FAM90A20: variants seen among roughly 807,000 people sequenced by gnomAD.
The protein encoded by FAM90A20 is family with sequence similarity 90 member A20.
At chr8:7,296,233 T>C in the FAM90A20 span, 1 of 676,290 alleles carries the variant, frequency 1.5e-6, no homozygotes, top group Non-Finnish European at 2.7e-6. Flanking sequence ...GACGGGGTTC[T>C]CCCTGTCTCC....
chr8:7,296,356 C>T, the FAM90A20 span: 4 of 746,378 alleles, frequency 5.4e-6, no homozygotes, highest in Non-Finnish European at 9.7e-6. Flanking sequence ...GAAGCCGCTG[C>T]CGAATGGAAA....
At chr8:7,297,035 T>C in the FAM90A20 span, 1 of 1,466,538 alleles carries the variant, frequency 6.8e-7, no homozygotes. Flanking sequence ...GAGGAACTTC[T>C]AACCTGTGTT....
the FAM90A20 span, chr8:7,296,290 C>T: frequency 2.7e-6 from 2 of 730,666 alleles, no homozygotes; most frequent in South Asian, 1.4e-5. Context: ...GTTCTGCAGG[C>T]AACAAGACCC....
chr8:7,297,393 G>T, the FAM90A20 span: 5 of 1,529,174 alleles, frequency 3.3e-6, 1 homozygote, highest in Non-Finnish European at 4.4e-6. Flanking sequence ...CAGGCCGTCA[G>T]AACCCAGGCA....
chr8:7,297,106 G>T, the FAM90A20 span: 37 of 1,503,040 alleles, frequency 2.5e-5, 1 homozygote, highest in Non-Finnish European at 3.2e-5. Context: ...GTAAGAGGCC[G>T]CGCATGGACC....
the FAM90A20 span, among the ~76,000 whole-genome samples, chr8:7,295,380 G>A: frequency 1.4e-5 from 1 of 70,254 alleles, no homozygotes; most frequent in East Asian, 3.4e-4. Flanking sequence ...GTTTGGCTGC[G>A]TTGTTGACAT....
At chr8:7,298,003 C>G in the FAM90A20 span, 153 of 681,492 alleles carry the variant, frequency 2.2e-4, 3 homozygotes, top group East Asian at 2.0e-3. Context: ...CCTCAGAGGA[C>G]AGCGATTCTG....
At chr8:7,297,644 G>C in the FAM90A20 span, 4 of 1,401,878 alleles carry the variant, frequency 2.9e-6, no homozygotes, top group Non-Finnish European at 3.9e-6. Flanking sequence ...AGCCGCAACC[G>C]AACTTGGACC....
the FAM90A20 span, chr8:7,297,162 C>T: frequency 1.3e-6 from 2 of 1,533,370 alleles, no homozygotes; most frequent in Non-Finnish European, 1.8e-6. Context: ...GGCAGGGGCT[C>T]CGTCTTGGCT....
the FAM90A20 span, chr8:7,297,905 C>G: frequency 4.1e-6 from 3 of 734,518 alleles, no homozygotes; most frequent in East Asian, 2.7e-5. Flanking sequence ...CTTCCTCGCT[C>G]AGAGCCCTCA....
the FAM90A20 span, chr8:7,297,128 G>A: frequency 2.6e-6 from 4 of 1,515,888 alleles, 1 homozygote; most frequent in East Asian, 4.5e-5. Flanking sequence ...TGTCCTCTCT[G>A]GTCGCTCAGC....
At chr8:7,296,184 A>C in the FAM90A20 span, 4 of 648,600 alleles carry the variant, frequency 6.2e-6, 1 homozygote, top group South Asian at 6.1e-5. Flanking sequence ...CCAGATTTCC[A>C]TTTCTGTATC....
At chr8:7,295,729 G>T in the FAM90A20 span, 3 of 1,049,866 alleles carry the variant, frequency 2.9e-6, no homozygotes, top group East Asian at 7.4e-5. Context: ...CGACCTTGGG[G>T]AAAAAGGAAG....
chr8:7,297,480 T>C, the FAM90A20 span: 5 of 1,539,572 alleles, frequency 3.2e-6, 1 homozygote, highest in Non-Finnish European at 4.4e-6. Context: ...GGCTCCAATC[T>C]CAGCTTTGGG....
chr8:7,297,436 C>A, the FAM90A20 span: 1 of 1,556,278 alleles, frequency 6.4e-7, no homozygotes, highest in Non-Finnish European at 8.7e-7. Flanking sequence ...CCTCACAGCC[C>A]TGCCCATCAG....
the FAM90A20 span, chr8:7,297,569 C>T: frequency 3.4e-5 from 51 of 1,513,554 alleles, 2 homozygotes; most frequent in Non-Finnish European, 4.3e-5. Context: ...GGGTCCCTTC[C>T]AGATCCCCGA....
the FAM90A20 span, chr8:7,295,854 C>A: frequency 4.2e-6 from 3 of 706,336 alleles, 1 homozygote; most frequent in African/African-American, 8.8e-5. Context: ...GGGGTTTTCA[C>A]CACTCTTAGG....
chr8:7,297,589 C>G, the FAM90A20 span: 2 of 1,500,186 alleles, frequency 1.3e-6, no homozygotes, highest in Non-Finnish European at 1.8e-6. Context: ...AAAGCACCAT[C>G]CAGGGAGGTG....
chr8:7,297,510 C>T, the FAM90A20 span: 12 of 1,511,520 alleles, frequency 7.9e-6, 1 homozygote, highest in South Asian at 3.4e-5. Context: ...AAGAGACCTG[C>T]CCAGGCTCCG....
Sources: gnomAD v4.1 joint callset for allele counts (sites outside exome capture counted in the v4.1 genomes callset) on GRCh38, gnomAD v4.1.1 for gene constraint, MANE v1.5 for transcripts, NCBI Gene and HGNC (gene_info 2026-07-23, HGNC 2026-07-21) for gene names.